The following IWS1 variants were observed in gnomAD, a reference collection of about 807,000 sequenced individuals.
IWS1 encodes the protein protein IWS1 homolog.
A neutral mutation model predicts 86.7 loss-of-function variants in IWS1; 27 were observed. That is an observed-to-expected ratio of 0.31 (90% CI 0.23 to 0.43). The LOEUF is 0.43. Among genes scored for constraint, IWS1 ranks in the 20% least tolerant of loss-of-function variants. The pLI, the probability that IWS1 is intolerant of heterozygous loss-of-function variation, is 1.00. For synonymous variants in IWS1, 313 were observed against 335.1 expected (o/e 0.93, Z 0.72); for missense variants, 827 against 1,000.8 (o/e 0.83, Z 2.34).
intron 6 of IWS1, among the ~76,000 whole-genome samples, chr2:127,497,889 TG>T (rs954585062): frequency 4.6e-5 from 7 of 152,196 alleles, no homozygotes; most frequent in Admixed American, 4.6e-4. Flanking sequence ...AGAGTTTACT[TG>T]GTGAGCCATA....
At position 127,523,808 on chromosome 2, in the gene IWS1, C is replaced by T. The variant is rs531073048; in HGVS notation, c.35-17G>A. ...CACCATCATCTGATTAAAAACAAAA[C>T]AAAAACCAACTTATGGTGTAAGATG... On this transcript the variant is annotated splice_polypyrimidine_tract_variant and intron_variant, in intron 1 of 13. Transcript: ENST00000295321. 4 of 1,535,362 alleles carry T rather than the reference C, an allele frequency of 2.6e-6. No individual in the cohort carries two copies. The highest frequency in any genetic ancestry group is 1.1e-5 in the South Asian group (1 of 87,658).
At chr2:127,513,514 C>T (rs1691585065) in intron 2 of IWS1, among the ~76,000 whole-genome samples, 1 of 151,706 alleles carries the variant, frequency 6.6e-6, no homozygotes, top group African/African-American at 2.4e-5. Flanking sequence ...AATTTGATAC[C>T]TAATTGTTAT....
At chr2:127,483,848 A>G (rs2105018176) in intron 13 of IWS1, among the ~76,000 whole-genome samples, 1 of 152,262 alleles carries the variant, frequency 6.6e-6, no homozygotes, top group Non-Finnish European at 1.5e-5. Context: ...CCAGGCTGAT[A>G]TTTAGTATAA....
In IWS1 at chr2:127,480,925, C is replaced by T. The variant is rs999217877; in HGVS notation, c.*119G>A. 2.4e-5 allele frequency: 26 copies of T among 1,101,422 alleles called. No homozygotes were observed. The highest frequency in any genetic ancestry group is 4.8e-5 in the African/African-American group (3 of 62,146). 68.2% of individuals were successfully genotyped at this position (1,101,422 alleles called of 1,614,324 possible). A position where few individuals can be genotyped will look rare whatever the true frequency, so the allele number is the denominator to read the frequency against. ...GAGAGAAATGTGAGTCCTATGACAA[C>T]ATCTGATACACGCTGAACCATTTAC... On this transcript the variant is annotated 3_prime_UTR_variant, in exon 14 of 14. Coordinates refer to ENST00000295321, the MANE Select transcript of IWS1 (RefSeq NM_017969.3).
intron 2 of IWS1, among the ~76,000 whole-genome samples, chr2:127,518,879 T>C (rs1219802703): frequency 6.6e-6 from 1 of 152,136 alleles, no homozygotes; most frequent in African/African-American, 2.4e-5. Flanking sequence ...CCAAGACAGG[T>C]GATCTTTTTA....
chr2:127,517,336 A>G (rs1197272690), intron 2 of IWS1, among the ~76,000 whole-genome samples: 2 of 152,246 alleles, frequency 1.3e-5, no homozygotes, highest in Non-Finnish European at 2.9e-5. Context: ...ACTCTCCAAT[A>G]TCAAAACATA....
Position 127,502,019 on chromosome 2 carries a change from CCTAAGT to C in IWS1, c.1467+790_1467+795del, listed in dbSNP as rs556581696. Among the ~76,000 whole-genome samples, 345 of 152,118 alleles carry C rather than the reference CCTAAGT, an allele frequency of 2.3e-3. 5 individuals are homozygous for C. Among genetic ancestry groups the C allele is most frequent in the Non-Finnish European group, 2.0e-3 (136 of 68,004 alleles). ...TATCTAAAATTCCTATATCTAGAGC[CCTAAGT>C]CTATTACTATTGTCATCATTACTGT... On this transcript the variant is annotated intron_variant, in intron 5 of 13. Transcript: ENST00000295321.
intron 10 of IWS1, 150 bp downstream of exon 10, chr2:127,491,821 T>C (rs1274125169): frequency 3.3e-6 from 2 of 604,832 alleles, no homozygotes; most frequent in African/African-American, 1.9e-5. Context: ...GAGAAAATGC[T>C]AGTACCTGTA....
At chr2:127,481,337 G>C (rs2105013305) in intron 13 of IWS1, among the ~76,000 whole-genome samples, 162 bp from the exon 14 acceptor site, 2 of 151,870 alleles carry the variant, frequency 1.3e-5, no homozygotes, top group Middle Eastern at 6.8e-3. Context: ...AAGTATAGAT[G>C]GTGTTAGAAA....
intron 9 of IWS1, 120 bp downstream of exon 9, chr2:127,493,161 C>T: frequency 1.1e-6 from 1 of 897,562 alleles, no homozygotes. Flanking sequence ...TTTTTCCAAC[C>T]CCTCTTCTGG....
At chr2:127,486,487 A>G (rs2105023233) in intron 13 of IWS1, 66 bp downstream of exon 13, 2 of 1,122,746 alleles carry the variant, frequency 1.8e-6, no homozygotes, top group East Asian at 4.7e-5. Context: ...TTATTAACAC[A>G]TGAAGTAAAG....
At chr2:127,515,268 A>T (rs1442407865) in intron 2 of IWS1, among the ~76,000 whole-genome samples, 1 of 152,206 alleles carries the variant, frequency 6.6e-6, no homozygotes, top group Non-Finnish European at 1.5e-5. Context: ...ATGTGTTACT[A>T]GCATTTCATT....
At chr2:127,502,594 G>A (rs918720808) in intron 5 of IWS1, 2 of 350,936 alleles carry the variant, frequency 5.7e-6, no homozygotes, top group Admixed American at 9.4e-5. Context: ...TTGTCTCAAA[G>A]TGTCCCTTCC....
chr2:127,514,648 T>A (rs1325016721), intron 2 of IWS1: 1 of 152,266 alleles, frequency 6.6e-6, no homozygotes, highest in African/African-American at 2.4e-5. Context: ...CACCGGTGCC[T>A]TCTATGGAAA....
At chr2:127,484,376 T>C (rs1293087885) in intron 13 of IWS1, 2 of 152,180 alleles carry the variant, frequency 1.3e-5, no homozygotes, top group Admixed American at 6.5e-5. Context: ...TTACATAACT[T>C]TGAAAACAAA....
chr2:127,524,607 C>A (rs566521735), intron 1 of IWS1, among the ~76,000 whole-genome samples: 16 of 151,126 alleles, frequency 1.1e-4, no homozygotes, highest in African/African-American at 3.9e-4. Flanking sequence ...GGTGTGATCT[C>A]AGCTCACTGC....
At chr2:127,518,621 A>G (rs1437437213) in intron 2 of IWS1, among the ~76,000 whole-genome samples, 1 of 148,076 alleles carries the variant, frequency 6.8e-6, no homozygotes, top group African/African-American at 2.5e-5. Flanking sequence ...GCTAGAGTAC[A>G]ATGGCGTGAT....
At chr2:127,483,574 GGCGGGGGGTGGTGGGGT>G (rs1334197741) in intron 13 of IWS1, among the ~76,000 whole-genome samples, 1 of 46,996 alleles carries the variant, frequency 2.1e-5, no homozygotes, top group Admixed American at 2.8e-4. Context: ...ATTTGGTCGG[GGCGGGGGGTGGTGGGGT>G]GGGGGGGTTG....
chr2:127,504,753 C>T lies in IWS1; in HGVS notation c.1150G>A (p.Gly384Ser), dbSNP rs1242256716. The change falls in exon 3 of 14, where the codon GGT becomes AGT. Residue 384 changes from glycine to serine, a missense_variant. Physicochemically the swap from Gly to Ser is moderately conservative, Grantham distance 56 (BLOSUM62 0). This residue lies in a region of IWS1 where 548 missense variants were observed against 560.2 expected (regional missense o/e 0.98). Coordinates refer to ENST00000295321, the MANE Select transcript of IWS1 (RefSeq NM_017969.3). ...CTCTTCGCTACTTTCTCCTCCTCAC[C>T]CTCTTTTTCATCTTCATCACTGTCC... ...KMDSDEDEKEGEEEKVAKRKA... is the reference protein window; with the variant it reads ...KMDSDEDEKESEEEKVAKRKA... 4 of 1,614,094 alleles carry T rather than the reference C, an allele frequency of 2.5e-6. No individual in the cohort carries two copies. The highest frequency in any genetic ancestry group is 1.3e-5 in the African/African-American group (1 of 75,020).
Sources: gnomAD v4.1 joint callset for allele counts (sites outside exome capture counted in the v4.1 genomes callset) on GRCh38, gnomAD v4.1.1 for gene constraint, gnomAD v4.1.1 regional missense constraint, MANE v1.5 for transcripts, NCBI Gene and HGNC (gene_info 2026-07-23, HGNC 2026-07-21) for gene names.